BTNL8: variants seen among roughly 807,000 people sequenced by gnomAD.
BTNL8 encodes the protein butyrophilin-like protein 8.
Under a neutral mutation model 36.1 loss-of-function variants are expected in BTNL8, and 22 were observed. That is an observed-to-expected ratio of 0.61 (90% CI 0.44 to 0.87). BTNL8 has a LOEUF of 0.87. Among genes scored for constraint, BTNL8 ranks in the 40% least tolerant of loss-of-function variants. The pLI is 0.00. For synonymous variants in BTNL8, 203 were observed against 235.6 expected (o/e 0.86, Z 1.27); for missense variants, 526 against 616.9 (o/e 0.85, Z 1.56).
chr5:180,939,251 CTGAA>C (rs749969121), intron 3 of BTNL8, among the ~76,000 whole-genome samples: 10 of 151,676 alleles, frequency 6.6e-5, no homozygotes, highest in South Asian at 4.1e-4. Context: ...TATAGATTGG[CTGAA>C]TGAATGAATG....
intron 3 of BTNL8, 131 bp downstream of exon 3, chr5:180,911,745 A>G (rs1217515051): frequency 1.0e-6 from 1 of 968,432 alleles, no homozygotes; most frequent in East Asian, 2.6e-5. Context: ...AAAAGTTTAA[A>G]ATCAATGAGA....
rs868531369 is a variant in BTNL8, at chr5:180,950,192, G to C, written c.1151G>C (p.Gly384Ala). The C allele has an allele frequency of 6.8e-7, 1 of 1,463,052 alleles. No individual in the cohort carries two copies. Among genetic ancestry groups the C allele is most frequent in the Non-Finnish European group, 9.4e-7 (1 of 1,058,888 alleles). The allele number at this position is 1,463,052 out of a possible 1,614,324, so 90.6% of individuals were successfully genotyped here. A position where few individuals can be genotyped will look rare whatever the true frequency, so the allele number is the denominator to read the frequency against. ...DHGYWVLRLN[G>A]EHLYFTLNPR... ...GGGTACTGGGTCCTCAGACTGAATG[G>C]AGAACATTTGTATTTCACATTAAAT... is the stretch of plus-strand genomic sequence containing the variant. Residue 384 changes from glycine (G) to alanine (A), a missense_variant, in exon 8 of 8, where the codon GGA becomes GCA. Physicochemically the swap from Gly to Ala is moderately conservative, Grantham distance 60. Around this residue, in one of 2 missense-constraint regions of BTNL8, gnomAD observed 176 missense variants for 292.3 expected, o/e 0.60. Coordinates refer to ENST00000340184, the MANE Select transcript of BTNL8 (RefSeq NM_001040462.3).
intron 1 of BTNL8, among the ~76,000 whole-genome samples, chr5:180,907,905 A>G (rs1243577755): frequency 1.3e-5 from 2 of 151,670 alleles, no homozygotes; most frequent in East Asian, 3.9e-4. Context: ...TGCTGGGAGA[A>G]CCACTGCTCT....
intron 3 of BTNL8, among the ~76,000 whole-genome samples, chr5:180,939,753 T>C (rs1378838753): frequency 2.6e-5 from 4 of 152,300 alleles, no homozygotes; most frequent in Non-Finnish European, 5.9e-5. Context: ...CTAGCAGATA[T>C]TTACATAACA....
chr5:180,935,531 G>T lies in BTNL8; in HGVS notation c.674-11981G>T, dbSNP rs539201549. ...GGCTACAACTTTGCTTTGCACTGGA[G>T]TGGACACCAGGAGCAGGGAGAGGGT... On this transcript the variant is annotated intron_variant, in intron 3 of 7. Transcript: ENST00000340184. This position sits in a 1 kb window ranked among gnomAD's most constrained non-coding sequence, Gnocchi z 4.8. Among the ~76,000 whole-genome samples, 11 of 152,368 alleles carry T rather than the reference G, an allele frequency of 7.2e-5. 1 individual carries two copies. In the East Asian group the frequency reaches 1.9e-3, roughly 27 times the overall value.
At chr5:180,906,312 A>T (rs1379175754) in intron 1 of BTNL8, among the ~76,000 whole-genome samples, 2 of 136,498 alleles carry the variant, frequency 1.5e-5, no homozygotes, top group African/African-American at 6.3e-5. Flanking sequence ...TTGTTGGTTT[A>T]AAGTCTGTTT....
intron 3 of BTNL8, among the ~76,000 whole-genome samples, chr5:180,914,732 C>A (rs947927096): frequency 1.3e-5 from 2 of 152,088 alleles, no homozygotes; most frequent in African/African-American, 2.4e-5. Context: ...CTCAAACTCC[C>A]ACAGAAACAC....
intron 3 of BTNL8, among the ~76,000 whole-genome samples, chr5:180,946,956 A>G (rs1308835221): frequency 6.6e-6 from 1 of 152,236 alleles, no homozygotes; most frequent in African/African-American, 2.4e-5. Flanking sequence ...ATATTTTAAG[A>G]CATCAGTTCT....
intron 2 of BTNL8, chr5:180,909,610 T>C: frequency 1.0e-5 from 10 of 982,594 alleles, no homozygotes; most frequent in Non-Finnish European, 1.2e-5. Flanking sequence ...CTGGGTGCAG[T>C]GGCTCAAGCC....
intron 3 of BTNL8, among the ~76,000 whole-genome samples, chr5:180,931,746 A>G (rs2113832600): frequency 6.6e-6 from 1 of 152,360 alleles, no homozygotes; most frequent in Middle Eastern, 3.4e-3. Context: ...TGCAAATCAA[A>G]AGCACAATGA....
At chr5:180,929,398 A>G (rs907943251) in intron 3 of BTNL8, among the ~76,000 whole-genome samples, 3 of 152,206 alleles carry the variant, frequency 2.0e-5, no homozygotes, top group Non-Finnish European at 4.4e-5. Context: ...ATCACAAATA[A>G]AAGAACTACA....
chr5:180,930,627 T>C (rs980462142), intron 3 of BTNL8, among the ~76,000 whole-genome samples: 8 of 152,082 alleles, frequency 5.3e-5, no homozygotes, highest in African/African-American at 1.9e-4. Context: ...GGATACAAAA[T>C]CAATGTGCAA....
chr5:180,915,975 A>C (rs1262555265), intron 3 of BTNL8, among the ~76,000 whole-genome samples: 1 of 152,226 alleles, frequency 6.6e-6, no homozygotes, highest in African/African-American at 2.4e-5. Flanking sequence ...GTACCAGAAT[A>C]CCTGAGATTG....
chr5:180,913,202 A>G (rs1458603283), intron 3 of BTNL8, among the ~76,000 whole-genome samples: 3 of 152,194 alleles, frequency 2.0e-5, no homozygotes, highest in Non-Finnish European at 4.4e-5. Flanking sequence ...TCAAATGCTG[A>G]TGAGTCTTTG....
At position 180,944,835 on chromosome 5, in the gene BTNL8, A is replaced by G. The variant is rs371791405; in HGVS notation, c.674-2677A>G. On this transcript the variant is annotated intron_variant, in intron 3 of 7. Coordinates refer to ENST00000340184, the MANE Select transcript of BTNL8 (RefSeq NM_001040462.3). Reference sequence around the variant, plus strand: ...AACTTAAAAAACTGAACACAAATAAAGGAAATATATTCCATGTTCAGGGAT... The same window carrying G: ...AACTTAAAAAACTGAACACAAATAAGGGAAATATATTCCATGTTCAGGGAT... Among the ~76,000 whole-genome samples, 9 of 152,212 alleles carry G rather than the reference A, an allele frequency of 5.9e-5. No individual in the cohort carries two copies. The East Asian group carries it at 7.7e-4, about 13-fold the overall frequency.
At chr5:180,900,425 C>T (rs1048634815) in intron 1 of BTNL8, among the ~76,000 whole-genome samples, 8 of 152,234 alleles carry the variant, frequency 5.3e-5, no homozygotes, top group Admixed American at 1.3e-4. Flanking sequence ...CACAGCTGCA[C>T]GGGTGCATGG....
chr5:180,915,521 A>G (rs958469822), intron 3 of BTNL8, among the ~76,000 whole-genome samples: 4 of 152,238 alleles, frequency 2.6e-5, no homozygotes, highest in African/African-American at 9.6e-5. Flanking sequence ...AGAAAAGTAA[A>G]GCAGGTACAT....
At chr5:180,936,068 C>T (rs1758640974) in intron 3 of BTNL8, among the ~76,000 whole-genome samples, 1 of 151,980 alleles carries the variant, frequency 6.6e-6, no homozygotes, top group Non-Finnish European at 1.5e-5. Context: ...ACCACCATAC[C>T]CAGCTAATTT....
intron 3 of BTNL8, among the ~76,000 whole-genome samples, chr5:180,931,039 T>C (rs1758350302): frequency 6.6e-6 from 1 of 152,196 alleles, no homozygotes; most frequent in Admixed American, 6.5e-5. Flanking sequence ...GCTGGAGGCA[T>C]CATGCTACCT....
Sources: gnomAD v4.1 joint callset for allele counts (sites outside exome capture counted in the v4.1 genomes callset) on GRCh38, gnomAD v4.1.1 for gene constraint, gnomAD v4.1.1 regional missense constraint, Gnocchi (gnomAD v3.1) non-coding constraint, MANE v1.5 for transcripts, NCBI Gene and HGNC (gene_info 2026-07-23, HGNC 2026-07-21) for gene names.